Variants in CPSF6 observed in about 807,000 individuals in gnomAD.
CPSF6 encodes the protein cleavage and polyadenylation specificity factor subunit 6.
A neutral mutation model predicts 56.7 loss-of-function variants in CPSF6; 10 were observed. That is an observed-to-expected ratio of 0.18 (90% CI 0.11 to 0.30). The LOEUF is 0.30. Among genes scored for constraint, CPSF6 ranks in the 10% least tolerant of loss-of-function variants. The pLI is 1.00. For synonymous variants in CPSF6, 248 were observed against 244.8 expected, an observed-to-expected ratio of 1.01 and a Z score of -0.12; for missense variants, 419 against 722.9, an observed-to-expected ratio of 0.58 and a Z score of 4.82.
At chr12:69,252,967 CA>C (rs1373976037) in intron 2 of CPSF6, 83 bp from the exon 3 acceptor site, 3 of 766,104 alleles carry the variant, frequency 3.9e-6, no homozygotes, top group Non-Finnish European at 6.2e-6. Context: ...TTTTATGTCT[CA>C]AATTTCCCCT....
intron 1 of CPSF6, among the ~76,000 whole-genome samples, chr12:69,244,227 C>T (rs545662055): frequency 7.2e-5 from 11 of 152,118 alleles, no homozygotes; most frequent in African/African-American, 2.4e-4. Context: ...TGTAAACTTA[C>T]TTCTTTTTTT....
intron 1 of CPSF6, among the ~76,000 whole-genome samples, chr12:69,250,809 G>A (rs958240884): frequency 6.6e-6 from 1 of 151,962 alleles, no homozygotes; most frequent in African/African-American, 2.4e-5. Context: ...ACCATGCCTG[G>A]CTAATTTTTG....
chr12:69,248,318 A>G (rs1872021785), intron 1 of CPSF6, among the ~76,000 whole-genome samples: 2 of 152,154 alleles, frequency 1.3e-5, no homozygotes, highest in South Asian at 4.1e-4. Context: ...TAACCCTTCC[A>G]TTCTTTTTTA....
intron 3 of CPSF6, among the ~76,000 whole-genome samples, chr12:69,253,422 A>G (rs974909084): frequency 3.9e-5 from 6 of 152,118 alleles, no homozygotes; most frequent in African/African-American, 1.4e-4. Flanking sequence ...TGTGGTTGAA[A>G]TGGTTGTTGA....
At chr12:69,244,964 T>C (rs1425709542) in intron 1 of CPSF6, among the ~76,000 whole-genome samples, 2 of 151,890 alleles carry the variant, frequency 1.3e-5, no homozygotes, top group African/African-American at 4.8e-5. Flanking sequence ...TGATTAAAAG[T>C]ATGGTATAGT....
chr12:69,251,460 C>A, intron 2 of CPSF6, 122 bp downstream of exon 2: 1 of 611,482 alleles, frequency 1.6e-6, no homozygotes. Flanking sequence ...TATGTGTTTG[C>A]TTGTCCAATG....
At position 69,258,151 on chromosome 12, in the gene CPSF6, T is replaced by C. The variant is rs1385088165; in HGVS notation, c.694+246T>C. ...ACCCATTTTTGGCCTAAAAGGTCTTTATTTTTCTCCAAACTTGCTTGACTT... is the reference window on the plus strand; with the variant it reads ...ACCCATTTTTGGCCTAAAAGGTCTTCATTTTTCTCCAAACTTGCTTGACTT... On this transcript the variant is annotated intron_variant, in intron 5 of 9. Transcript: ENST00000435070. The surrounding 1 kb of genome is among the most constrained non-coding windows in gnomAD (Gnocchi z 4.2). 5 of 1,454,110 alleles carry C rather than the reference T, an allele frequency of 3.4e-6. No homozygotes were observed. The South Asian group carries it at 4.9e-5, about 14-fold the overall frequency. The allele number at this position is 1,454,110 out of a possible 1,614,324, so 90.1% of individuals were successfully genotyped here.
Position 69,239,614 on chromosome 12 carries a change from G to C in CPSF6, c.-33G>C. The C allele has an allele frequency of 6.5e-7, 1 of 1,539,972 alleles. No individual in the cohort carries two copies. The highest frequency in any genetic ancestry group is 2.7e-5 in the East Asian group (1 of 37,234). On this transcript the variant is annotated 5_prime_UTR_variant, in exon 1 of 10. Coordinates refer to ENST00000435070, the MANE Select transcript of CPSF6 (RefSeq NM_007007.3). ...CGCGGCGGGCAGACCTGCAGGAGGC[G>C]GCGGCGGCGGCGGCGGCCGAGGCTG...
chr12:69,239,752 G>T, intron 1 of CPSF6, 46 bp downstream of exon 1: 1 of 1,543,358 alleles, frequency 6.5e-7, no homozygotes, highest in East Asian at 2.6e-5. Context: ...GCGGCGCTGC[G>T]GCCGGGAAGC....
At chr12:69,247,740 T>C (rs1871989760) in intron 1 of CPSF6, among the ~76,000 whole-genome samples, 2 of 152,212 alleles carry the variant, frequency 1.3e-5, no homozygotes, top group African/African-American at 4.8e-5. Context: ...AGAACAAAGT[T>C]CAGTATGTTC....
At chr12:69,254,166 C>T (rs1017965794) in intron 3 of CPSF6, among the ~76,000 whole-genome samples, 1 of 141,072 alleles carries the variant, frequency 7.1e-6, no homozygotes, top group African/African-American at 2.5e-5. Flanking sequence ...AGTCTGTACT[C>T]CACATAACAG....
intron 5 of CPSF6, 62 bp downstream of exon 5, chr12:69,257,967 C>G: frequency 6.3e-7 from 1 of 1,581,214 alleles, no homozygotes. Context: ...TTTTCCTTTT[C>G]TCTCTTTTTC....
At chr12:69,251,999 A>T (rs1464040286) in intron 2 of CPSF6, 3 of 455,764 alleles carry the variant, frequency 6.6e-6, no homozygotes, top group South Asian at 1.5e-5. Context: ...AAACTTGTAT[A>T]TGCAAAAATC....
chr12:69,242,696 C>G (rs1210546854), intron 1 of CPSF6, among the ~76,000 whole-genome samples: 1 of 152,214 alleles, frequency 6.6e-6, no homozygotes, highest in Non-Finnish European at 1.5e-5. Flanking sequence ...GTGATTCTGT[C>G]TCACAGTAGC....
chr12:69,263,238 A>T (rs1411309370), intron 9 of CPSF6, among the ~76,000 whole-genome samples: 1 of 152,072 alleles, frequency 6.6e-6, no homozygotes, highest in Non-Finnish European at 1.5e-5. Flanking sequence ...TAAAAATTTT[A>T]AATTGTGTCA....
At chr12:69,251,428 T>G in intron 2 of CPSF6, 90 bp downstream of exon 2, 2 of 869,822 alleles carry the variant, frequency 2.3e-6, no homozygotes, top group South Asian at 3.7e-5. Context: ...TTTTATAAGT[T>G]TGAAGTTACT....
chr12:69,268,234 C>T (rs1449607489), intron 9 of CPSF6, among the ~76,000 whole-genome samples: 1 of 151,634 alleles, frequency 6.6e-6, no homozygotes, highest in Non-Finnish European at 1.5e-5. Flanking sequence ...ATAGCTTCAT[C>T]AACATAAGAT....
intron 3 of CPSF6, among the ~76,000 whole-genome samples, chr12:69,255,884 G>T (rs1465920943): frequency 6.6e-6 from 1 of 152,090 alleles, no homozygotes. Context: ...CACCCTAGTG[G>T]GTATGGGGTG....
intron 5 of CPSF6, 65 bp downstream of exon 5, chr12:69,257,970 T>C (rs1382990836): frequency 1.3e-6 from 2 of 1,581,354 alleles, no homozygotes; most frequent in African/African-American, 2.7e-5. Flanking sequence ...TCCTTTTCTC[T>C]CTTTTTCAAG....
Sources: allele counts gnomAD v4.1 joint callset (sites outside exome capture counted in the v4.1 genomes callset), GRCh38; gene constraint gnomAD v4.1.1; non-coding constraint Gnocchi (gnomAD v3.1); transcripts MANE v1.5; gene names NCBI Gene and HGNC (gene_info 2026-07-23, HGNC 2026-07-21).